NANOGNB: variants seen among roughly 807,000 people sequenced by gnomAD.
NANOGNB encodes homeobox C14.
Under a neutral mutation model 25.0 loss-of-function variants are expected in NANOGNB, and 30 were observed. The observed-to-expected ratio is 1.20, with a 90% CI of 0.90 to 1.63. NANOGNB has a LOEUF of 1.63. Ranked by LOEUF, NANOGNB falls within the 40% of genes most tolerant of loss-of-function variation. The probability of loss-of-function intolerance (pLI) is 0.00; values close to 1 mark genes in which losing one functional copy is unlikely to be tolerated. For synonymous variants in NANOGNB, 84 were observed against 62.1 expected (o/e 1.35, Z -1.66); for missense variants, 200 against 188.1 (o/e 1.06, Z -0.37).
intron 1 of NANOGNB, among the ~76,000 whole-genome samples, chr12:7,767,510 G>C (rs1428656381): frequency 6.6e-6 from 1 of 151,584 alleles, no homozygotes; most frequent in Non-Finnish European, 1.5e-5. Context: ...ACCAACAACA[G>C]CACAGTTAGC....
rs1328354978 is a variant in NANOGNB at position 7,773,876 on chromosome 12, T to A, written c.*25T>A. 3.3e-6 allele frequency: 2 copies of A among 606,606 alleles called. No individual in the cohort carries two copies. The highest frequency in any genetic ancestry group is 6.1e-5 in the Admixed American group (2 of 33,010). 37.6% of individuals were successfully genotyped at this position (606,606 alleles called of 1,614,324 possible). ...ATCTTCCTATTTTGGCCTCCAGAAA[T>A]GCTGTGATTACAAGCATGAGCCATC... On this transcript the variant is annotated 3_prime_UTR_variant, in exon 4 of 4. Transcript: ENST00000382119.
chr12:7,773,544 T>TCCAAAAA (rs1565472370), intron 3 of NANOGNB, among the ~76,000 whole-genome samples: 1 of 6,262 alleles, frequency 1.6e-4, no homozygotes, highest in African/African-American at 4.9e-4. Flanking sequence ...CTACTAAAAA[T>TCCAAAAA]ACAAAAAAAA....
At chr12:7,769,181 A>T (rs777081289) in intron 1 of NANOGNB, among the ~76,000 whole-genome samples, 5 of 151,828 alleles carry the variant, frequency 3.3e-5, no homozygotes, top group Admixed American at 6.6e-5. Context: ...TTTTTTTGAG[A>T]CAGAGTCTGG....
intron 1 of NANOGNB, among the ~76,000 whole-genome samples, 182 bp downstream of exon 1, chr12:7,765,569 CA>C (rs1187331161): frequency 0.023 from 1,118 of 48,664 alleles, 5 homozygotes; most frequent in Middle Eastern, 0.074. Context: ...GACTCCGTCT[CA>C]AAAAAAAAAA....
chr12:7,770,375 T>C (rs764820198), intron 2 of NANOGNB, 60 bp downstream of exon 2: 2 of 1,522,712 alleles, frequency 1.3e-6, no homozygotes, highest in African/African-American at 1.4e-5. Context: ...TATAGTACTA[T>C]TGCTATATAG....
chr12:7,771,905 A>G (rs4883057), intron 3 of NANOGNB, among the ~76,000 whole-genome samples: 148,186 of 152,208 alleles, frequency 0.97, 72,255 homozygotes, highest in East Asian at 1. Context: ...CTAGGTGTGA[A>G]CCTCCACGCC....
intron 1 of NANOGNB, among the ~76,000 whole-genome samples, chr12:7,769,543 G>C (rs996633143): frequency 6.6e-6 from 1 of 151,772 alleles, no homozygotes. Flanking sequence ...GGCTTGTCTC[G>C]ATCTCCTGAC....
intron 3 of NANOGNB, among the ~76,000 whole-genome samples, chr12:7,773,568 A>AAAAAAAAAAAAAAAAC (rs1862607337): frequency 7.2e-6 from 1 of 139,000 alleles, no homozygotes; most frequent in African/African-American, 2.6e-5. Context: ...AAAAAAAAAA[A>AAAAAAAAAAAAAAAAC]AAAAAAAAAA....
chr12:7,769,689 G>A (rs1037786159), intron 1 of NANOGNB, among the ~76,000 whole-genome samples: 11 of 151,774 alleles, frequency 7.2e-5, no homozygotes, highest in African/African-American at 2.4e-4. Flanking sequence ...CACCATGCCC[G>A]GCTAATGTTT....
At chr12:7,766,447 T>C (rs1361674258) in intron 1 of NANOGNB, among the ~76,000 whole-genome samples, 1 of 152,188 alleles carries the variant, frequency 6.6e-6, no homozygotes, top group Admixed American at 6.6e-5. Flanking sequence ...CACTCCAGTC[T>C]GGGCTTCAGA....
chr12:7,767,508 C>G (rs1865255932), intron 1 of NANOGNB, among the ~76,000 whole-genome samples: 2 of 151,518 alleles, frequency 1.3e-5, no homozygotes, highest in South Asian at 4.2e-4. Flanking sequence ...AGACCAACAA[C>G]AGCACAGTTA....
At chr12:7,771,874 G>A (rs1445870279) in intron 3 of NANOGNB, among the ~76,000 whole-genome samples, 2 of 152,220 alleles carry the variant, frequency 1.3e-5, no homozygotes, top group Admixed American at 6.5e-5. Context: ...GCCCGCCTCG[G>A]CCTCCCAAAG....
At chr12:7,773,750 T>C (rs1322199689) in intron 3 of NANOGNB, 50 bp from the exon 4 acceptor site, 2 of 607,078 alleles carry the variant, frequency 3.3e-6, no homozygotes, top group Admixed American at 6.1e-5. Context: ...AATAAATAAA[T>C]ATATAGACTG....
chr12:7,768,493 G>A (rs1414830750), intron 1 of NANOGNB, among the ~76,000 whole-genome samples: 1 of 151,820 alleles, frequency 6.6e-6, no homozygotes, highest in South Asian at 2.1e-4. Flanking sequence ...CAAACACTAG[G>A]TGCCACTGGC....
intron 3 of NANOGNB, among the ~76,000 whole-genome samples, chr12:7,773,338 TAGAA>T (rs1388296758): frequency 1.3e-5 from 2 of 151,670 alleles, no homozygotes; most frequent in African/African-American, 4.8e-5. Context: ...AAATGTATTT[TAGAA>T]AGATTACTTT....
Position 7,765,352 on chromosome 12 carries a change from C to T in NANOGNB, c.67C>T (p.Arg23Ter), listed in dbSNP as rs1367741383. ...ALWEAEAGRS[R>*]GQEIETILAN... Reference sequence around the variant, plus strand: ...TTGGGAGGCCGAGGCGGGCAGATCACGAGGTCAGGAAATCGAGACCATCTT... The same window carrying T: ...TTGGGAGGCCGAGGCGGGCAGATCATGAGGTCAGGAAATCGAGACCATCTT... The change falls in exon 1 of 4, where the codon CGA becomes TGA. Residue 23 changes from arginine (R) to a stop codon, truncating the protein, a stop_gained. Coordinates refer to ENST00000382119, the MANE Select transcript of NANOGNB (RefSeq NM_001145465.1). LOFTEE classifies it high-confidence loss of function. 2 of 628,126 alleles carry T rather than the reference C, an allele frequency of 3.2e-6. No individual in the cohort carries two copies. Among genetic ancestry groups the T allele is most frequent in the Non-Finnish European group, 2.5e-6 (1 of 399,350 alleles). The allele number at this position is 628,126 out of a possible 1,614,324, so 38.9% of individuals were successfully genotyped here.
chr12:7,769,850 A>T, intron 1 of NANOGNB, 133 bp from the exon 2 acceptor site: 1 of 743,974 alleles, frequency 1.3e-6, no homozygotes, highest in Non-Finnish European at 2.1e-6. Flanking sequence ...TCTTTGCTCT[A>T]TGTTTTCCAC....
At chr12:7,770,818 G>A (rs1005064451) in intron 3 of NANOGNB, among the ~76,000 whole-genome samples, 1 of 152,114 alleles carries the variant, frequency 6.6e-6, no homozygotes, top group Non-Finnish European at 1.5e-5. Context: ...CTCCATGTTG[G>A]TTAGGCTGAT....
At chr12:7,770,565 T>C in intron 3 of NANOGNB, 47 bp downstream of exon 3, 1 of 1,206,204 alleles carries the variant, frequency 8.3e-7, no homozygotes, top group East Asian at 2.6e-5. Context: ...AAGGAATATA[T>C]TGACTTCCGG....
Sources: allele counts gnomAD v4.1 joint callset (sites outside exome capture counted in the v4.1 genomes callset), GRCh38; gene constraint gnomAD v4.1.1; transcripts MANE v1.5; gene names NCBI Gene and HGNC (gene_info 2026-07-23, HGNC 2026-07-21).